Variants in CHN1 observed in about 807,000 individuals in gnomAD.
CHN1 encodes the protein N-chimaerin.
A neutral mutation model predicts 59.5 loss-of-function variants in CHN1; 37 were observed. The ratio of observed to expected loss-of-function variants is 0.62; its 90% CI spans 0.48 to 0.82. CHN1 has a LOEUF of 0.82. Among genes scored for constraint, CHN1 ranks in the 40% least tolerant of loss-of-function variants. The pLI is 0.00. For missense variants in CHN1, 469 were observed against 571.0 expected, an observed-to-expected ratio of 0.82 and a Z score of 1.82; for synonymous variants, 206 against 200.4, an observed-to-expected ratio of 1.03 and a Z score of -0.24.
intron 5 of CHN1, among the ~76,000 whole-genome samples, chr2:174,884,136 T>C (rs1407564156): frequency 6.6e-6 from 1 of 151,768 alleles, no homozygotes; most frequent in Non-Finnish European, 1.5e-5. Flanking sequence ...GCCTGCCTAA[T>C]TTTTTTGTAT....
chr2:174,814,975 A>AT (rs1348516579), intron 8 of CHN1, among the ~76,000 whole-genome samples: 1 of 151,282 alleles, frequency 6.6e-6, no homozygotes, highest in Non-Finnish European at 1.5e-5. Context: ...TTTTTCAAAT[A>AT]TTTTTTCAGC....
intron 5 of CHN1, among the ~76,000 whole-genome samples, chr2:174,903,226 G>A (rs1688445337): frequency 6.6e-6 from 1 of 152,100 alleles, no homozygotes; most frequent in Admixed American, 6.5e-5. Flanking sequence ...TAAACTCACA[G>A]AATCTGGCTC....
chr2:174,873,225 C>A (rs1021166309), intron 6 of CHN1, among the ~76,000 whole-genome samples: 4 of 152,056 alleles, frequency 2.6e-5, no homozygotes, highest in Non-Finnish European at 5.9e-5. Flanking sequence ...CTTGAACAAG[C>A]CACATTGGAG....
chr2:174,877,579 G>C (rs1298572686), intron 6 of CHN1, among the ~76,000 whole-genome samples: 1 of 152,024 alleles, frequency 6.6e-6, no homozygotes, highest in African/African-American at 2.4e-5. Context: ...TTTTTTATTA[G>C]GGGCCATTTT....
chr2:174,905,566 T>TA (rs1246613736), intron 5 of CHN1, among the ~76,000 whole-genome samples: 1 of 145,920 alleles, frequency 6.9e-6, no homozygotes, highest in Non-Finnish European at 1.5e-5. Flanking sequence ...TAAAAAAAAA[T>TA]TTTTTTTTTT....
intron 6 of CHN1, among the ~76,000 whole-genome samples, chr2:174,873,924 T>C (rs1687483417): frequency 6.6e-6 from 1 of 152,190 alleles, no homozygotes; most frequent in Non-Finnish European, 1.5e-5. Context: ...AAAATTCATT[T>C]TGTACACCCT....
chr2:174,875,158 A>G (rs1054117595), intron 6 of CHN1, among the ~76,000 whole-genome samples: 6 of 152,132 alleles, frequency 3.9e-5, no homozygotes, highest in Non-Finnish European at 8.8e-5. Context: ...TACAGGCGTG[A>G]GCCACCATGC....
chr2:174,841,451 A>C (rs1686298917), intron 7 of CHN1, among the ~76,000 whole-genome samples: 4 of 152,208 alleles, frequency 2.6e-5, no homozygotes, highest in African/African-American at 9.6e-5. Flanking sequence ...GTTTACAGGG[A>C]CTTTAAAGAT....
At chr2:174,943,202 GTGTGTGTA>G (rs1689722459) in intron 3 of CHN1, among the ~76,000 whole-genome samples, 1 of 150,022 alleles carries the variant, frequency 6.7e-6, no homozygotes, top group Non-Finnish European at 1.5e-5. Flanking sequence ...GTGTGTGTGT[GTGTGTGTA>G]TGTGTGTACA....
At chr2:174,874,951 G>A (rs1452017095) in intron 6 of CHN1, among the ~76,000 whole-genome samples, 1 of 127,346 alleles carries the variant, frequency 7.9e-6, no homozygotes, top group African/African-American at 3.0e-5. Flanking sequence ...TCTGCTCATT[G>A]CAACCTCCGC....
intron 1 of CHN1, among the ~76,000 whole-genome samples, chr2:175,001,693 G>A (rs141887657): frequency 2.0e-5 from 3 of 152,282 alleles, no homozygotes; most frequent in Non-Finnish European, 4.4e-5. Flanking sequence ...CAGCCCAGCC[G>A]ACGGTAACTG....
chr2:174,889,272 G>GTT (rs35776255), intron 5 of CHN1, among the ~76,000 whole-genome samples: 2 of 150,758 alleles, frequency 1.3e-5, no homozygotes, highest in African/African-American at 4.9e-5. Flanking sequence ...GGAAAAGGTG[G>GTT]TTTTTTTTTC....
intron 5 of CHN1, among the ~76,000 whole-genome samples, chr2:174,895,196 G>GTATA (rs200124327): frequency 0.025 from 3,416 of 137,560 alleles, 50 homozygotes; most frequent in African/African-American, 0.047. Flanking sequence ...ATGTGTGTGT[G>GTATA]TGTATATATA....
At chr2:174,922,013 C>T (rs1689031520) in intron 3 of CHN1, among the ~76,000 whole-genome samples, 2 of 152,088 alleles carry the variant, frequency 1.3e-5, no homozygotes, top group African/African-American at 2.4e-5. Flanking sequence ...ATTATCTTCC[C>T]GAGGTAAGTT....
At chr2:174,815,879 T>C (rs532506760) in intron 8 of CHN1, among the ~76,000 whole-genome samples, 58 of 152,348 alleles carry the variant, frequency 3.8e-4, no homozygotes, top group Admixed American at 1.0e-3. Context: ...AGAATGCTCT[T>C]TTGTAGACTG....
rs940459677 is a variant in CHN1 at position 174,962,222 on chromosome 2, T to G, written c.20-10020A>C. Among the ~76,000 whole-genome samples, 6 of 151,776 alleles carry G rather than the reference T, an allele frequency of 4.0e-5. No homozygotes were observed. The East Asian group carries it at 9.7e-4, about 25-fold the overall frequency. ...ATCGCTTGAACCTGGGAGGCGGAGG[T>G]TGCAGTGAGCCGAGATCACGCCACT... On this transcript the variant is annotated intron_variant, in intron 1 of 12. Coordinates refer to ENST00000409900, the MANE Select transcript of CHN1 (RefSeq NM_001822.7).
intron 7 of CHN1, among the ~76,000 whole-genome samples, chr2:174,839,973 C>T (rs1400986977): frequency 1.3e-5 from 2 of 151,864 alleles, no homozygotes; most frequent in African/African-American, 4.8e-5. Context: ...AAATCTCTCT[C>T]CAAAGTTTAA....
At chr2:174,924,895 A>G (rs200457060) in intron 3 of CHN1, among the ~76,000 whole-genome samples, 3 of 152,218 alleles carry the variant, frequency 2.0e-5, no homozygotes, top group Admixed American at 2.0e-4. Context: ...GTTGAACTCA[A>G]TGTGACTAAG....
chr2:174,997,735 A>G (rs1691753888), intron 1 of CHN1, among the ~76,000 whole-genome samples: 1 of 152,198 alleles, frequency 6.6e-6, no homozygotes, highest in Non-Finnish European at 1.5e-5. Flanking sequence ...AAAGTTCTAT[A>G]TAAAAGATAC....
Sources: gnomAD v4.1 joint callset for allele counts (sites outside exome capture counted in the v4.1 genomes callset) on GRCh38, gnomAD v4.1.1 for gene constraint, MANE v1.5 for transcripts, NCBI Gene and HGNC (gene_info 2026-07-23, HGNC 2026-07-21) for gene names.